The following MYO1B variants were observed in gnomAD, a reference collection of about 807,000 sequenced individuals.
MYO1B encodes unconventional myosin-Ib.
Under a neutral mutation model 159.7 loss-of-function variants are expected in MYO1B, and 72 were observed. That is an observed-to-expected ratio of 0.45 (90% CI 0.37 to 0.55). MYO1B has a LOEUF of 0.55. Among genes scored for constraint, MYO1B ranks in the 20% least tolerant of loss-of-function variants. The pLI, the probability that MYO1B is intolerant of heterozygous loss-of-function variation, is 0.00. For missense variants in MYO1B, 1,062 were observed against 1,364.8 expected, an observed-to-expected ratio of 0.78 and a Z score of 3.50; for synonymous variants, 468 against 473.8, an observed-to-expected ratio of 0.99 and a Z score of 0.16.
At position 191,260,253 on chromosome 2, in the gene MYO1B, G is replaced by GTTTTTTTTTTTT. The variant is rs1256549425; in HGVS notation, c.-10+14627_-10+14628insTTTTTTTTTTTT. ...ATAATATTACTTTTTTCCCAGATAGGCTTTTTTTTTTTTTGAATTAAAGCT... is the reference window on the plus strand; with the variant it reads ...ATAATATTACTTTTTTCCCAGATAGGTTTTTTTTTTTTCTTTTTTTTTTTTTGAATTAAAGCT... On this transcript the variant is annotated intron_variant, in intron 1 of 30. Coordinates refer to ENST00000392318, the MANE Select transcript of MYO1B (RefSeq NM_001130158.3). Among the ~76,000 whole-genome samples the GTTTTTTTTTTTT allele has an allele frequency of 4.4e-4, 10 of 22,610 alleles. No individual in the cohort carries two copies. In the Non-Finnish European group the frequency reaches 4.7e-3, roughly 11 times the overall value. The allele number at this position is 22,610 out of a possible 152,430, so 14.8% of individuals were successfully genotyped here. A position where few individuals can be genotyped will look rare whatever the true frequency, so the allele number is the denominator to read the frequency against.
chr2:191,317,610 T>G (rs535942243), intron 3 of MYO1B, among the ~76,000 whole-genome samples: 5 of 152,330 alleles, frequency 3.3e-5, no homozygotes, highest in African/African-American at 1.2e-4. Flanking sequence ...GTATATCTCC[T>G]AATGCTGTCC....
At chr2:191,400,257 T>C (rs1696525215) in intron 21 of MYO1B, 125 bp from the exon 22 acceptor site, 2 of 1,045,332 alleles carry the variant, frequency 1.9e-6, no homozygotes, top group Non-Finnish European at 3.0e-6. Flanking sequence ...TCGCCTTCTT[T>C]AACCTGTTGA....
intron 3 of MYO1B, among the ~76,000 whole-genome samples, chr2:191,317,328 C>T (rs1190511127): frequency 6.6e-6 from 1 of 152,150 alleles, no homozygotes; most frequent in Non-Finnish European, 1.5e-5. Flanking sequence ...AAGGGCATAT[C>T]AGCTGGAGAC....
At chr2:191,334,468 A>T (rs1229458681) in intron 4 of MYO1B, among the ~76,000 whole-genome samples, 1 of 152,082 alleles carries the variant, frequency 6.6e-6, no homozygotes, top group Non-Finnish European at 1.5e-5. Flanking sequence ...CTCTGGTAGA[A>T]CTCTAGTAGT....
At position 191,349,555 on chromosome 2, in the gene MYO1B, C is replaced by T. The variant is rs559003991; in HGVS notation, c.499-607C>T. ...AGAATATTAAACTCTATGTGTGTTT[C>T]TGTGTGTTTAAGATACTATCTATAA... On this transcript the variant is annotated intron_variant, in intron 6 of 30. Transcript: ENST00000392318. Among the ~76,000 whole-genome samples the T allele has an allele frequency of 6.6e-5, 10 of 152,296 alleles. No individual in the cohort carries two copies. In the South Asian group the frequency reaches 1.9e-3, roughly 28 times the overall value.
At position 191,306,634 on chromosome 2, in the gene MYO1B, G is replaced by C. The variant is rs561193779; in HGVS notation, c.251+10408G>C. 2.0e-4 allele frequency among the ~76,000 whole-genome samples: 31 copies of C among 152,134 alleles called. No homozygotes were observed. In the South Asian group the frequency reaches 6.5e-3, roughly 32 times the overall value. On this transcript the variant is annotated intron_variant, in intron 3 of 30. Coordinates refer to ENST00000392318, the MANE Select transcript of MYO1B (RefSeq NM_001130158.3). ...ATCTGAGGATGGGAGGGACACTTTA[G>C]AGGCAAATCCATAGGATGCAGTGGC...
At position 191,402,572 on chromosome 2, in the gene MYO1B, T is replaced by G. The variant is rs900508615; in HGVS notation, c.2470-60T>G. The G allele has an allele frequency of 2.9e-5, 41 of 1,410,100 alleles. No homozygotes were observed. The Admixed American group carries it at 3.3e-4, about 11-fold the overall frequency. The allele number at this position is 1,410,100 out of a possible 1,614,324, so 87.3% of individuals were successfully genotyped here. A position where few individuals can be genotyped will look rare whatever the true frequency, so the allele number is the denominator to read the frequency against. ...TTCTGTTTGGTGGGATATCTTTTTC[T>G]GGTCATTTGTGCTGTCTGCATTGGG... is the stretch of plus-strand genomic sequence containing the variant. On this transcript the variant is annotated intron_variant, in intron 23 of 30. Transcript: ENST00000392318.
intron 3 of MYO1B, among the ~76,000 whole-genome samples, chr2:191,297,861 C>T (rs1202866463): frequency 6.6e-6 from 1 of 152,084 alleles, no homozygotes; most frequent in East Asian, 1.9e-4. Context: ...GTGCTTGCTG[C>T]CAGTGGGTCA....
intron 21 of MYO1B, among the ~76,000 whole-genome samples, chr2:191,397,211 A>T (rs1307780430): frequency 6.1e-4 from 27 of 44,454 alleles, no homozygotes; most frequent in African/African-American, 1.8e-3. Flanking sequence ...ATTTTTTTTT[A>T]ATTGACCATT....
intron 16 of MYO1B, among the ~76,000 whole-genome samples, chr2:191,386,811 T>G (rs1028668882): frequency 3.9e-5 from 6 of 152,336 alleles, no homozygotes; most frequent in African/African-American, 1.4e-4. Flanking sequence ...GATCAGCTTT[T>G]CTGCTGCTCA....
intron 1 of MYO1B, among the ~76,000 whole-genome samples, chr2:191,270,015 C>T (rs190044110): frequency 1.3e-5 from 2 of 152,088 alleles, no homozygotes; most frequent in South Asian, 2.1e-4. Context: ...GGCAGGCTGT[C>T]GATAATATGG....
chr2:191,412,671 A>G (rs193227712), intron 27 of MYO1B, among the ~76,000 whole-genome samples: 6 of 152,352 alleles, frequency 3.9e-5, no homozygotes, highest in East Asian at 3.9e-4. Flanking sequence ...TGTATTTGCA[A>G]ATTGCCAGAA....
intron 30 of MYO1B, among the ~76,000 whole-genome samples, chr2:191,419,942 TG>T (rs1481950984): frequency 6.6e-6 from 1 of 152,198 alleles, no homozygotes; most frequent in Non-Finnish European, 1.5e-5. Flanking sequence ...GGCTCACGCC[TG>T]TAATCTTGGC....
intron 27 of MYO1B, among the ~76,000 whole-genome samples, chr2:191,412,400 A>T (rs2126171295): frequency 6.6e-6 from 1 of 152,350 alleles, no homozygotes; most frequent in Admixed American, 6.5e-5. Context: ...CATTTTTATA[A>T]TTTAAAACAC....
chr2:191,415,604 GT>G (rs533548172), intron 29 of MYO1B, among the ~76,000 whole-genome samples: 8,987 of 145,418 alleles, frequency 0.062, 876 homozygotes, highest in African/African-American at 0.21. Flanking sequence ...GTTTTGTTTT[GT>G]TTTTTTTTTG....
intron 1 of MYO1B, among the ~76,000 whole-genome samples, chr2:191,267,637 C>G (rs1485360224): frequency 6.6e-6 from 1 of 152,230 alleles, no homozygotes; most frequent in Non-Finnish European, 1.5e-5. Context: ...TGTCGGGGCA[C>G]TCACTTTCTC....
intron 20 of MYO1B, among the ~76,000 whole-genome samples, chr2:191,395,424 C>CT (rs1457547328): frequency 6.6e-6 from 1 of 152,230 alleles, no homozygotes; most frequent in Admixed American, 6.5e-5. Context: ...AAGACATAGC[C>CT]TGGTAGCCTG....
At chr2:191,258,738 G>A (rs1372190539) in intron 1 of MYO1B, among the ~76,000 whole-genome samples, 1 of 152,174 alleles carries the variant, frequency 6.6e-6, no homozygotes, top group Non-Finnish European at 1.5e-5. Flanking sequence ...CTGTGGAGGA[G>A]GATCAAGTCG....
At chr2:191,321,816 G>T (rs1020697175) in intron 3 of MYO1B, among the ~76,000 whole-genome samples, 2 of 152,052 alleles carry the variant, frequency 1.3e-5, no homozygotes, top group African/African-American at 4.8e-5. Context: ...TTTTATGGGG[G>T]AACTTAGATG....
Sources: gnomAD v4.1 joint callset for allele counts (sites outside exome capture counted in the v4.1 genomes callset) on GRCh38, gnomAD v4.1.1 for gene constraint, MANE v1.5 for transcripts, NCBI Gene and HGNC (gene_info 2026-07-23, HGNC 2026-07-21) for gene names.